The following TLE4 variants were observed in gnomAD, a reference collection of about 807,000 sequenced individuals.
TLE4 encodes TLE family member 4, transcriptional corepressor.
Under a neutral mutation model 92.8 loss-of-function variants are expected in TLE4, and 8 were observed. The observed-to-expected ratio is 0.09, with a 90% CI of 0.05 to 0.16. The LOEUF (loss-of-function observed/expected upper bound fraction) is 0.16. TLE4 is among the 10% of genes least tolerant of loss of function. The pLI is 1.00. For missense variants in TLE4, 675 were observed against 997.6 expected (o/e 0.68, Z 4.36); for synonymous variants, 371 against 374.1 (o/e 0.99, Z 0.10).
chr9:79,579,165 G>T (rs1468232885), intron 4 of TLE4, among the ~76,000 whole-genome samples: 1 of 152,062 alleles, frequency 6.6e-6, no homozygotes, highest in East Asian at 1.9e-4. Context: ...TTTTTGTTTT[G>T]TATGAGACAG....
intron 8 of TLE4, among the ~76,000 whole-genome samples, chr9:79,704,292 T>G (rs748310958): frequency 8.5e-5 from 13 of 152,116 alleles, no homozygotes; most frequent in Non-Finnish European, 1.8e-4. Flanking sequence ...GTTTTGTCTT[T>G]TTAGTGGAGA....
Position 79,721,823 on chromosome 9 carries a change from A to C in TLE4, c.1921A>C (p.Asn641His). 1 of 1,614,200 alleles carries C rather than the reference A, an allele frequency of 6.2e-7. No homozygotes were observed. The highest frequency in any genetic ancestry group is 8.5e-7 in the Non-Finnish European group (1 of 1,180,028). Residue 641 changes from asparagine to histidine, a missense_variant, in exon 17 of 20, where the codon AAC becomes CAC. Around this residue, in one of 5 missense-constraint regions of TLE4, gnomAD observed 170 missense variants for 359.6 expected, o/e 0.47. Transcript: ENST00000376552. ...GTKLWTGGLD[N>H]TVRSWDLREG... Reference sequence around the variant, plus strand: ...CAAGCTCTGGACAGGTGGTTTGGACAACACGGTCAGGTCCTGGGACCTGCG... The same window carrying C: ...CAAGCTCTGGACAGGTGGTTTGGACCACACGGTCAGGTCCTGGGACCTGCG...
chr9:79,704,995 C>A, intron 9 of TLE4, 93 bp downstream of exon 9: 1 of 1,536,306 alleles, frequency 6.5e-7, no homozygotes, highest in Non-Finnish European at 8.9e-7. Context: ...AACACAGGAA[C>A]ACAGGATAAC....
At chr9:79,582,947 G>C (rs1336318373) in intron 4 of TLE4, among the ~76,000 whole-genome samples, 1 of 152,146 alleles carries the variant, frequency 6.6e-6, no homozygotes, top group Non-Finnish European at 1.5e-5. Flanking sequence ...AGTTTGCAAG[G>C]CTTAGGACTT....
At chr9:79,652,817 C>T (rs2297499) in intron 7 of TLE4, 23 bp downstream of exon 7, 3 of 1,610,880 alleles carry the variant, frequency 1.9e-6, no homozygotes, top group South Asian at 1.1e-5. Flanking sequence ...CTTGGAATGC[C>T]AATCTGAGAT....
chr9:79,679,337 T>C (rs1395168704), intron 8 of TLE4, among the ~76,000 whole-genome samples: 1 of 152,172 alleles, frequency 6.6e-6, no homozygotes, highest in African/African-American at 2.4e-5. Context: ...TGGTATCTCA[T>C]TGTGGTTTTG....
chr9:79,702,830 G>T (rs550732292), intron 8 of TLE4, among the ~76,000 whole-genome samples: 39 of 152,236 alleles, frequency 2.6e-4, no homozygotes, highest in African/African-American at 8.2e-4. Context: ...ATAAAGAGTT[G>T]CCATCACCAC....
intron 6 of TLE4, among the ~76,000 whole-genome samples, chr9:79,650,870 G>T (rs1479106530): frequency 6.6e-6 from 1 of 152,046 alleles, no homozygotes; most frequent in Non-Finnish European, 1.5e-5. Flanking sequence ...TAAGAGAAAA[G>T]AACTAATTAA....
At chr9:79,613,744 G>A (rs992836734) in intron 5 of TLE4, among the ~76,000 whole-genome samples, 1 of 152,120 alleles carries the variant, frequency 6.6e-6, no homozygotes, top group Non-Finnish European at 1.5e-5. Flanking sequence ...CCAATGTTAT[G>A]TGGCCAATAT....
At chr9:79,575,491 T>C (rs1482789265) in intron 3 of TLE4, among the ~76,000 whole-genome samples, 3 of 152,224 alleles carry the variant, frequency 2.0e-5, no homozygotes. Flanking sequence ...TTATATTGGT[T>C]TGAGGAATGT....
chr9:79,687,282 G>A lies in TLE4; in HGVS notation c.610-17501G>A, dbSNP rs138593532. ...ATGGCCACGTACAAGTTATACAGAAGCGCAATTCACATGAATCTACGATGT... is the reference window on the plus strand; with the variant it reads ...ATGGCCACGTACAAGTTATACAGAAACGCAATTCACATGAATCTACGATGT... On this transcript the variant is annotated intron_variant, in intron 8 of 19. Coordinates refer to ENST00000376552, the MANE Select transcript of TLE4 (RefSeq NM_007005.6). Among the ~76,000 whole-genome samples, 307 of 152,270 alleles carry A rather than the reference G, an allele frequency of 2.0e-3. 1 individual carries two copies. The South Asian group carries it at 0.027, about 13-fold the overall frequency.
intron 6 of TLE4, among the ~76,000 whole-genome samples, chr9:79,645,141 G>T (rs1362009122): frequency 1.3e-5 from 2 of 152,262 alleles, no homozygotes; most frequent in East Asian, 3.9e-4. Context: ...CCTTCAATTT[G>T]GCTCATTGTC....
chr9:79,659,167 C>T (rs1223110061), intron 8 of TLE4, among the ~76,000 whole-genome samples: 12 of 152,156 alleles, frequency 7.9e-5, no homozygotes, highest in African/African-American at 1.2e-4. Context: ...ACACAGCCAG[C>T]GCCGCCCTCA....
chr9:79,579,755 A>G (rs1334293642), intron 4 of TLE4, among the ~76,000 whole-genome samples: 1 of 152,164 alleles, frequency 6.6e-6, no homozygotes, highest in Non-Finnish European at 1.5e-5. Flanking sequence ...TTATTACGAG[A>G]CTTGGGCCAC....
chr9:79,717,511 G>T (rs1232577408), intron 14 of TLE4, among the ~76,000 whole-genome samples: 1 of 152,158 alleles, frequency 6.6e-6, no homozygotes, highest in Non-Finnish European at 1.5e-5. Flanking sequence ...GCCCGCCACT[G>T]TCTAGTGCCC....
chr9:79,628,904 GTGTGTATA>G (rs1470207178), intron 6 of TLE4, among the ~76,000 whole-genome samples: 1 of 149,210 alleles, frequency 6.7e-6, no homozygotes. Context: ...GTGTGTGTGT[GTGTGTATA>G]TGTATAAACC....
chr9:79,707,034 G>A (rs1420410267), intron 11 of TLE4, 135 bp downstream of exon 11: 1 of 1,568,258 alleles, frequency 6.4e-7, no homozygotes, highest in Non-Finnish European at 8.7e-7. Context: ...CGGTATTTAA[G>A]TTTAATTGGC....
At chr9:79,574,163 T>G (rs997746831) in intron 2 of TLE4, 11 of 159,938 alleles carry the variant, frequency 6.9e-5, no homozygotes, top group Non-Finnish European at 1.5e-4. Flanking sequence ...TTTCTGCCAT[T>G]CCACTGAAGA....
intron 8 of TLE4, among the ~76,000 whole-genome samples, chr9:79,696,987 T>C (rs921305495): frequency 6.6e-6 from 1 of 152,208 alleles, no homozygotes; most frequent in African/African-American, 2.4e-5. Flanking sequence ...TGAGACTTAG[T>C]AACATTGGTT....
Sources: gnomAD v4.1 joint callset for allele counts (sites outside exome capture counted in the v4.1 genomes callset) on GRCh38, gnomAD v4.1.1 for gene constraint, gnomAD v4.1.1 regional missense constraint, MANE v1.5 for transcripts, NCBI Gene and HGNC (gene_info 2026-07-23, HGNC 2026-07-21) for gene names.